The following PCSK5 variants were observed in gnomAD, a reference collection of about 807,000 sequenced individuals.
PCSK5 encodes the protein prohormone convertase 5.
Under a neutral mutation model 233.2 loss-of-function variants are expected in PCSK5, and 129 were observed. The ratio of observed to expected loss-of-function variants is 0.55; its 90% CI spans 0.48 to 0.64. PCSK5 has a LOEUF of 0.64. PCSK5 is among the 30% of genes least tolerant of loss of function. PCSK5 has a pLI of 0.00. For missense variants in PCSK5, 2,076 were observed against 2,430.1 expected, an observed-to-expected ratio of 0.85 and a Z score of 3.06; for synonymous variants, 825 against 879.2, an observed-to-expected ratio of 0.94 and a Z score of 1.09.
chr9:76,014,509 A>T (rs919763522), intron 3 of PCSK5, among the ~76,000 whole-genome samples: 1 of 152,214 alleles, frequency 6.6e-6, no homozygotes, highest in Non-Finnish European at 1.5e-5. Context: ...AAAGGGAAAC[A>T]ATATTCAAGT....
At chr9:76,290,535 T>A (rs1828246135) in intron 24 of PCSK5, among the ~76,000 whole-genome samples, 1 of 152,200 alleles carries the variant, frequency 6.6e-6, no homozygotes, top group Non-Finnish European at 1.5e-5. Context: ...CTTGTTCAAC[T>A]CTTCCAATTA....
chr9:76,216,254 TAG>T (rs887154209), intron 20 of PCSK5, among the ~76,000 whole-genome samples: 46 of 152,064 alleles, frequency 3.0e-4, no homozygotes, highest in African/African-American at 1.0e-3. Context: ...ATAGATGGGG[TAG>T]AGAGAAGCAT....
intron 10 of PCSK5, among the ~76,000 whole-genome samples, chr9:76,156,780 A>G (rs915966976): frequency 5.3e-5 from 8 of 152,236 alleles, no homozygotes; most frequent in Non-Finnish European, 1.2e-4. Context: ...AACTAAATGT[A>G]AAACTGTAGA....
intron 2 of PCSK5, among the ~76,000 whole-genome samples, chr9:75,967,496 C>A (rs527688426): frequency 6.6e-6 from 1 of 152,248 alleles, no homozygotes; most frequent in East Asian, 1.9e-4. Context: ...TAATGCAGAG[C>A]CTGGAAGCAG....
In PCSK5 at chr9:76,341,448, C is replaced by G. The variant is rs545998360; in HGVS notation, c.4966+3001C>G. 3.3e-5 allele frequency among the ~76,000 whole-genome samples: 5 copies of G among 152,072 alleles called. No individual in the cohort carries two copies. The South Asian group carries it at 1.0e-3, about 32-fold the overall frequency. On this transcript the variant is annotated intron_variant, in intron 35 of 37. Coordinates refer to ENST00000674117, the MANE Select transcript of PCSK5 (RefSeq NM_001372043.1). Reference sequence around the variant, plus strand: ...CTAATTATTGATCATGTTTGTCATCCTTTTTTTAAACTTTATTTTATAATT... The same window carrying G: ...CTAATTATTGATCATGTTTGTCATCGTTTTTTTAAACTTTATTTTATAATT...
chr9:76,078,723 G>A (rs1830727506), intron 7 of PCSK5, among the ~76,000 whole-genome samples: 1 of 152,138 alleles, frequency 6.6e-6, no homozygotes, highest in African/African-American at 2.4e-5. Flanking sequence ...TTTGGTTACT[G>A]TAGGCTTTTA....
At chr9:76,088,885 A>G (rs1380544312) in intron 7 of PCSK5, among the ~76,000 whole-genome samples, 3 of 151,836 alleles carry the variant, frequency 2.0e-5, no homozygotes, top group Non-Finnish European at 4.4e-5. Context: ...TACAAAAAAC[A>G]GTAGTTTTTA....
In PCSK5 at chr9:76,362,699, C is replaced by A. The variant is rs12350580; in HGVS notation, c.*3777C>A. Among the ~76,000 whole-genome samples, 1,868 of 152,328 alleles carry A rather than the reference C, an allele frequency of 0.012. 37 individuals are homozygous for A. Among genetic ancestry groups the A allele is most frequent in the African/African-American group, 0.042 (1,735 of 41,566 alleles). ...CCTGGGCCTGGCAGTTAAAGATCGA[C>A]CTCTGACCTAACCGGTTATGTTATC... On this transcript the variant is annotated 3_prime_UTR_variant, in exon 38 of 38. Coordinates refer to ENST00000674117, the MANE Select transcript of PCSK5 (RefSeq NM_001372043.1).
intron 34 of PCSK5, among the ~76,000 whole-genome samples, chr9:76,333,602 TC>T (rs1829597132): frequency 1.3e-5 from 2 of 152,032 alleles, no homozygotes; most frequent in Admixed American, 6.6e-5. Context: ...TGCCAGCATA[TC>T]CTTTTTCTCC....
intron 1 of PCSK5, among the ~76,000 whole-genome samples, chr9:75,908,941 G>GTC (rs1412497396): frequency 8.6e-6 from 1 of 116,548 alleles, no homozygotes; most frequent in Non-Finnish European, 1.9e-5. Context: ...CTCTCTCTCT[G>GTC]TCTATCTATC....
chr9:76,317,810 C>T (rs1159988580), intron 30 of PCSK5, among the ~76,000 whole-genome samples: 1 of 152,166 alleles, frequency 6.6e-6, no homozygotes, highest in African/African-American at 2.4e-5. Flanking sequence ...AGAACGTCCC[C>T]TGGTAGTCCC....
chr9:75,927,462 A>G (rs1049557456), intron 1 of PCSK5, among the ~76,000 whole-genome samples: 5 of 152,146 alleles, frequency 3.3e-5, no homozygotes, highest in Admixed American at 2.6e-4. Context: ...AACTGTCCCT[A>G]TTTCAGCACT....
chr9:75,908,625 C>CAA (rs1487714586), intron 1 of PCSK5, among the ~76,000 whole-genome samples: 14 of 152,178 alleles, frequency 9.2e-5, no homozygotes, highest in Non-Finnish European at 2.9e-5. Flanking sequence ...TCCTGCTTTT[C>CAA]TGCCTCTACT....
chr9:75,996,319 G>A (rs1827020191), intron 3 of PCSK5, among the ~76,000 whole-genome samples: 1 of 152,036 alleles, frequency 6.6e-6, no homozygotes, highest in Non-Finnish European at 1.5e-5. Context: ...CTGATGCCAA[G>A]GATAAAATAG....
intron 1 of PCSK5, among the ~76,000 whole-genome samples, chr9:75,903,574 G>GTGTA (rs1356262180): frequency 5.2e-5 from 6 of 115,454 alleles, no homozygotes; most frequent in South Asian, 5.3e-4. Context: ...GTGTGTGTGT[G>GTGTA]TATATATATA....
chr9:76,077,518 AG>A (rs1830682980), intron 7 of PCSK5, among the ~76,000 whole-genome samples: 1 of 152,150 alleles, frequency 6.6e-6, no homozygotes, highest in African/African-American at 2.4e-5. Flanking sequence ...TAGTGAGTAT[AG>A]TACCCAGCAG....
intron 3 of PCSK5, among the ~76,000 whole-genome samples, chr9:75,999,906 A>G (rs1827192571): frequency 6.6e-6 from 1 of 152,246 alleles, no homozygotes. Flanking sequence ...AGGGGCAACA[A>G]AAGCCAAAAT....
intron 24 of PCSK5, among the ~76,000 whole-genome samples, chr9:76,289,415 T>C (rs1828194517): frequency 6.7e-6 from 1 of 149,232 alleles, no homozygotes. Context: ...GATAACACCT[T>C]CCAAGACAGC....
intron 27 of PCSK5, among the ~76,000 whole-genome samples, chr9:76,300,042 G>C (rs1285062282): frequency 6.6e-6 from 1 of 152,136 alleles, no homozygotes; most frequent in Non-Finnish European, 1.5e-5. Flanking sequence ...CACAGACATG[G>C]TGAATTAGCT....
Sources: gnomAD v4.1 joint callset for allele counts (sites outside exome capture counted in the v4.1 genomes callset) on GRCh38, gnomAD v4.1.1 for gene constraint, MANE v1.5 for transcripts, NCBI Gene and HGNC (gene_info 2026-07-23, HGNC 2026-07-21) for gene names.